SPHKAP: variants seen among roughly 807,000 people sequenced by gnomAD.
SPHKAP encodes the protein A-kinase anchor protein SPHKAP.
In SPHKAP, 67 loss-of-function variants were observed where a neutral mutation model predicts 137.5. That is an observed-to-expected ratio of 0.49 (90% CI 0.40 to 0.60). SPHKAP has a LOEUF of 0.60. Among genes scored for constraint, SPHKAP ranks in the 20% least tolerant of loss-of-function variants. SPHKAP has a pLI of 0.00. For synonymous variants in SPHKAP, 813 were observed against 785.3 expected, an observed-to-expected ratio of 1.04 and a Z score of -0.59; for missense variants, 2,097 against 2,069.3, an observed-to-expected ratio of 1.01 and a Z score of -0.26.
At position 228,028,359 on chromosome 2, in the gene SPHKAP, C is replaced by A. The variant is rs1695140858; in HGVS notation, c.247-816G>T. ...TTTTAGTTCATTTTACTTTATTTAA[C>A]CTTGTTATACAATTTGCCTCTTTGT... On this transcript the variant is annotated intron_variant, in intron 3 of 11. Transcript: ENST00000392056. Among the ~76,000 whole-genome samples the A allele has an allele frequency of 2.0e-5, 3 of 152,124 alleles. No homozygotes were observed. The South Asian group carries it at 6.2e-4, about 32-fold the overall frequency.
rs1040874617 is a variant in SPHKAP at position 228,010,555 on chromosome 2, C to A, written c.4448+5851G>T. On this transcript the variant is annotated intron_variant, in intron 7 of 11. Coordinates refer to ENST00000392056, the MANE Select transcript of SPHKAP (RefSeq NM_001142644.2). ...TCAAAAACAAAAGAAAACAATTGTT[C>A]ACGGATGGAGGGCAAGTTGAGTTTC... is the stretch of plus-strand genomic sequence containing the variant. Among the ~76,000 whole-genome samples the A allele has an allele frequency of 8.6e-5, 13 of 152,036 alleles. 1 individual carries two copies. In the East Asian group the frequency reaches 2.5e-3, roughly 29 times the overall value.
At chr2:228,177,475 T>A (rs1290634251) in intron 1 of SPHKAP, among the ~76,000 whole-genome samples, 2 of 152,220 alleles carry the variant, frequency 1.3e-5, no homozygotes, top group Non-Finnish European at 2.9e-5. Flanking sequence ...TATTTCGTAC[T>A]TGTCCCTGTT....
rs1698422391 is a variant in SPHKAP at position 228,108,850 on chromosome 2, C to A, written c.228G>T (p.Lys76Asn). 1 of 1,609,032 alleles carries A rather than the reference C, an allele frequency of 6.2e-7. No homozygotes were observed. The highest frequency in any genetic ancestry group is 8.5e-7 in the Non-Finnish European group (1 of 1,178,702). The change falls in exon 3 of 12, where the codon AAG becomes AAT. Residue 76 changes from lysine to asparagine, a missense_variant. Physicochemically the swap from Lys to Asn is moderately conservative, Grantham distance 94. Coordinates refer to ENST00000392056, the MANE Select transcript of SPHKAP (RefSeq NM_001142644.2). ...MPCQIGFVEDKSENCASVCFV... is the reference protein window; with the variant it reads ...MPCQIGFVEDNSENCASVCFV... ...TACTTACAGAAGCACAGTTTTCAGA[C>A]TTGTCTTCTACAAAACCAATTTGGC...
chr2:227,998,817 C>T (rs149925688), intron 7 of SPHKAP, among the ~76,000 whole-genome samples: 1 of 152,186 alleles, frequency 6.6e-6, no homozygotes, highest in Non-Finnish European at 1.5e-5. Context: ...CTTGGCCAAT[C>T]CTGCCTTTCC....
In SPHKAP at chr2:227,995,711, A is replaced by G; in HGVS notation, c.4449-17T>C. 4 of 1,548,872 alleles carry G rather than the reference A, an allele frequency of 2.6e-6. No individual in the cohort carries two copies. The highest frequency in any genetic ancestry group is 3.5e-6 in the Non-Finnish European group (4 of 1,155,510). On this transcript the variant is annotated splice_polypyrimidine_tract_variant and intron_variant, in intron 7 of 11. Transcript: ENST00000392056. ...AGGCTGTCACTGTAGAGGGCAAGAT[A>G]TTATTACCAAGAGAGGCAGCACACA...
intron 2 of SPHKAP, among the ~76,000 whole-genome samples, chr2:228,129,814 T>G (rs1226768898): frequency 6.6e-6 from 1 of 150,402 alleles, no homozygotes; most frequent in African/African-American, 2.4e-5. Context: ...TTTTTTTTTT[T>G]GAGACTGAGT....
chr2:228,027,586 T>G lies in SPHKAP; in HGVS notation c.247-43A>C, dbSNP rs374495181. On this transcript the variant is annotated intron_variant, in intron 3 of 11. Transcript: ENST00000392056. Reference sequence around the variant, plus strand: ...AAATAGTACGTTAAAGTCAAAAACCTGACTGTCTTTTTAGAAGAAAGAAAG... The same window carrying G: ...AAATAGTACGTTAAAGTCAAAAACCGGACTGTCTTTTTAGAAGAAAGAAAG... 11 of 1,589,762 alleles carry G rather than the reference T, an allele frequency of 6.9e-6. No individual in the cohort carries two copies. In the African/African-American group the frequency reaches 1.5e-4, roughly 21 times the overall value.
rs1695095069 is a variant in SPHKAP, at chr2:228,027,619, C to A, written c.247-76G>T. 1.2e-5 allele frequency: 17 copies of A among 1,433,354 alleles called. No individual in the cohort carries two copies. The South Asian group carries it at 1.8e-4, about 16-fold the overall frequency. The allele number at this position is 1,433,354 out of a possible 1,614,324, so 88.8% of individuals were successfully genotyped here. A position where few individuals can be genotyped will look rare whatever the true frequency, so the allele number is the denominator to read the frequency against. On this transcript the variant is annotated intron_variant, in intron 3 of 11. Coordinates refer to ENST00000392056, the MANE Select transcript of SPHKAP (RefSeq NM_001142644.2). Reference sequence around the variant, plus strand: ...TTTTTAGAAGAAAGAAAGCAGGAATCAGTTGGGGCAAATGCTTTGGGAGTC... The same window carrying A: ...TTTTTAGAAGAAAGAAAGCAGGAATAAGTTGGGGCAAATGCTTTGGGAGTC...
chr2:228,027,333 G>T, intron 4 of SPHKAP, 151 bp downstream of exon 4: 1 of 763,752 alleles, frequency 1.3e-6, no homozygotes, highest in Non-Finnish European at 2.1e-6. Context: ...AAACGGTAGA[G>T]GGTAAGTGCT....
intron 1 of SPHKAP, among the ~76,000 whole-genome samples, chr2:228,154,508 C>CTATATATATATATATATATATA (rs1331355468): frequency 5.8e-5 from 2 of 34,576 alleles, no homozygotes; most frequent in African/African-American, 2.1e-4. Context: ...CTCTCTCTCT[C>CTATATATATATATATATATATA]TCTCTATATA....
chr2:228,101,525 C>T (rs1280487540), intron 3 of SPHKAP, among the ~76,000 whole-genome samples: 1 of 152,176 alleles, frequency 6.6e-6, no homozygotes, highest in African/African-American at 2.4e-5. Context: ...CCATCACCTG[C>T]TGTTAAGTAT....
chr2:228,179,729 C>T (rs1036999272), intron 1 of SPHKAP, among the ~76,000 whole-genome samples: 3 of 152,204 alleles, frequency 2.0e-5, no homozygotes, highest in African/African-American at 7.2e-5. Context: ...GCAATATCAT[C>T]AGAGTTGCTT....
At chr2:228,157,731 C>T (rs2106408430) in intron 1 of SPHKAP, among the ~76,000 whole-genome samples, 1 of 152,156 alleles carries the variant, frequency 6.6e-6, no homozygotes, top group South Asian at 2.1e-4. Flanking sequence ...AGGGGTAGTA[C>T]ATAAGTCTGT....
rs147649128 is a variant in SPHKAP at position 228,137,261 on chromosome 2, C to T, written c.33-5176G>A. Among the ~76,000 whole-genome samples, 178 of 152,292 alleles carry T rather than the reference C, an allele frequency of 1.2e-3. 6 individuals are homozygous for T. Among genetic ancestry groups the T allele is most frequent in the South Asian group, 3.1e-3 (15 of 4,828 alleles). ...GGGGATCACTTAGGACACAGGACAGCGCCAGTCAGTGGGAGATGCCCAACA... is the reference window on the plus strand; with the variant it reads ...GGGGATCACTTAGGACACAGGACAGTGCCAGTCAGTGGGAGATGCCCAACA... On this transcript the variant is annotated intron_variant, in intron 1 of 11. Coordinates refer to ENST00000392056, the MANE Select transcript of SPHKAP (RefSeq NM_001142644.2).
chr2:228,080,655 C>T lies in SPHKAP; in HGVS notation c.246+28177G>A, dbSNP rs146820730. ...CCAGGAGGCAGAGGTTGCAGTGAGC[C>T]GTGATGACTCCATTGCACTCCAGCT... On this transcript the variant is annotated intron_variant, in intron 3 of 11. Coordinates refer to ENST00000392056, the MANE Select transcript of SPHKAP (RefSeq NM_001142644.2). Among the ~76,000 whole-genome samples the T allele has an allele frequency of 1.4e-4, 21 of 151,692 alleles. 1 individual carries two copies. The East Asian group carries it at 2.9e-3, about 21-fold the overall frequency.
Position 228,019,115 on chromosome 2 carries a change from G to C in SPHKAP, c.1739C>G (p.Thr580Arg), listed in dbSNP as rs894022766. 4 of 1,613,880 alleles carry C rather than the reference G, an allele frequency of 2.5e-6. No individual in the cohort carries two copies. In the African/African-American group the frequency reaches 5.3e-5, roughly 22 times the overall value. ...VCGLGEREEVTCSVAPSGSLP... is the reference protein window; with the variant it reads ...VCGLGEREEVRCSVAPSGSLP... ...GCTACCACTTGGAGCCACTGAGCAT[G>C]TCACCTCTTCTCTTTCACCCAGACC... The change falls in exon 7 of 12, where the codon ACA becomes AGA. Residue 580 changes from threonine to arginine, a missense_variant. Physicochemically the swap from Thr to Arg is moderately conservative, Grantham distance 71. Coordinates refer to ENST00000392056, the MANE Select transcript of SPHKAP (RefSeq NM_001142644.2).
intron 3 of SPHKAP, among the ~76,000 whole-genome samples, chr2:228,030,211 CCTT>C (rs1471179506): frequency 6.6e-6 from 1 of 152,058 alleles, no homozygotes; most frequent in Non-Finnish European, 1.5e-5. Context: ...TGTGGGGAGG[CCTT>C]CTTTAAGAAA....
chr2:228,046,311 T>A (rs1210273831), intron 3 of SPHKAP, among the ~76,000 whole-genome samples: 1 of 149,934 alleles, frequency 6.7e-6, no homozygotes, highest in Non-Finnish European at 1.5e-5. Flanking sequence ...TTTTTTTTTT[T>A]TGGTCTCTGT....
intron 3 of SPHKAP, among the ~76,000 whole-genome samples, chr2:228,046,291 CTTTTTTTTTTT>C (rs58510792): frequency 1.2e-5 from 1 of 82,528 alleles, no homozygotes. Flanking sequence ...TGTTGTTATT[CTTTTTTTTTTT>C]TTTTTTTTTT....
Sources: gnomAD v4.1 joint callset for allele counts (sites outside exome capture counted in the v4.1 genomes callset) on GRCh38, gnomAD v4.1.1 for gene constraint, MANE v1.5 for transcripts, NCBI Gene and HGNC (gene_info 2026-07-23, HGNC 2026-07-21) for gene names.